Variants in PHF24 observed in about 807,000 individuals in gnomAD.
PHF24 encodes the protein PHD finger protein 24.
PHF24 carries 25 observed loss-of-function variants against 42.6 expected under a neutral mutation model. That is an observed-to-expected ratio of 0.59 (90% confidence interval 0.43 to 0.82). PHF24 has a LOEUF of 0.82. Ranked by LOEUF, PHF24 falls within the 40% of genes least tolerant of loss-of-function variation. The pLI is 0.00. For missense variants in PHF24, 470 were observed against 538.1 expected, an observed-to-expected ratio of 0.87 and a Z score of 1.25; for synonymous variants, 185 against 204.8, an observed-to-expected ratio of 0.90 and a Z score of 0.83.
chr9:34,685,026 C>G, the PHF24 span, among the ~76,000 whole-genome samples: 1 of 152,112 alleles, frequency 6.6e-6, no homozygotes, highest in Admixed American at 6.5e-5. Flanking sequence ...CTGCCCCTGG[C>G]CCCTTGGGAG....
chr9:34,907,778 A>T, the PHF24 span, among the ~76,000 whole-genome samples: 2 of 149,590 alleles, frequency 1.3e-5, no homozygotes, highest in East Asian at 2.0e-4. Flanking sequence ...TTATCCTTCC[A>T]GTTTGATTTC....
chr9:34,857,487 A>G, the PHF24 span, among the ~76,000 whole-genome samples: 3 of 152,160 alleles, frequency 2.0e-5, no homozygotes, highest in Admixed American at 6.5e-5. Flanking sequence ...ATTAGTGGGA[A>G]AAGCATGGTT....
At chr9:34,925,460 C>A in the PHF24 span, among the ~76,000 whole-genome samples, 1 of 152,136 alleles carries the variant, frequency 6.6e-6, no homozygotes, top group South Asian at 2.1e-4. Flanking sequence ...CTTTCCCCTT[C>A]TCTTCTACTT....
At chr9:34,691,752 C>T in the PHF24 span, among the ~76,000 whole-genome samples, 3 of 152,196 alleles carry the variant, frequency 2.0e-5, no homozygotes, top group Admixed American at 6.5e-5. Context: ...TGTGCCTGCC[C>T]ACTATGTGGG....
the PHF24 span, among the ~76,000 whole-genome samples, chr9:34,866,466 T>C: frequency 0.16 from 23,699 of 152,174 alleles, 2,543 homozygotes; most frequent in East Asian, 0.48. Context: ...TGAAAGATTG[T>C]CTGAGAACCT....
chr9:34,670,765 A>G, the PHF24 span, among the ~76,000 whole-genome samples: 1 of 152,124 alleles, frequency 6.6e-6, no homozygotes, highest in East Asian at 1.9e-4. Flanking sequence ...TCTCCTCCCT[A>G]GGTTCCTCAC....
At chr9:34,917,618 G>T in the PHF24 span, 1 of 776,120 alleles carries the variant, frequency 1.3e-6, no homozygotes, top group South Asian at 1.3e-5. Flanking sequence ...CCACCCCTTT[G>T]GTTGGCCTTC....
At chr9:34,850,001 G>A in the PHF24 span, among the ~76,000 whole-genome samples, 2 of 152,220 alleles carry the variant, frequency 1.3e-5, no homozygotes, top group Admixed American at 6.5e-5. Flanking sequence ...CCCTTTGTGG[G>A]TAACCCGACC....
At chr9:34,980,353 A>T (rs1392358794) in exon 8 of PHF24, 1 of 152,224 alleles carries the variant, frequency 6.6e-6, no homozygotes, top group East Asian at 1.9e-4. Flanking sequence ...GCCCATTTGG[A>T]TCACGCTTCT....
chr9:34,925,221 A>C, the PHF24 span, among the ~76,000 whole-genome samples: 1 of 152,132 alleles, frequency 6.6e-6, no homozygotes. Flanking sequence ...TTCTGCTGAG[A>C]AATCCGCTGT....
intron 1 of PHF24, among the ~76,000 whole-genome samples, chr9:34,970,924 A>G (rs538145524): frequency 4.6e-5 from 7 of 152,194 alleles, no homozygotes; most frequent in African/African-American, 1.4e-4. Flanking sequence ...CATTCCATAG[A>G]TGGGAAAACC....
At chr9:34,854,194 C>T in the PHF24 span, among the ~76,000 whole-genome samples, 23 of 14,944 alleles carry the variant, frequency 1.5e-3, 2 homozygotes, top group East Asian at 3.6e-3. Flanking sequence ...AGCAGTCTAT[C>T]TATTTTTTTT....
chr9:34,757,089 G>T, the PHF24 span, among the ~76,000 whole-genome samples: 1 of 151,994 alleles, frequency 6.6e-6, no homozygotes, highest in Non-Finnish European at 1.5e-5. Context: ...ATTTTTAGCA[G>T]AGACAGCGTT....
At chr9:34,857,971 G>GTTTTTTTTTTTTTTTTTTTTT in the PHF24 span, among the ~76,000 whole-genome samples, 1 of 109,806 alleles carries the variant, frequency 9.1e-6, no homozygotes, top group Non-Finnish European at 1.8e-5. Context: ...TTGTTTCTCT[G>GTTTTTTTTTTTTTTTTTTTTT]GTTTTTTTTT....
At chr9:34,879,083 C>T in the PHF24 span, among the ~76,000 whole-genome samples, 2 of 152,162 alleles carry the variant, frequency 1.3e-5, no homozygotes, top group Non-Finnish European at 1.5e-5. Context: ...GCTGGTGATA[C>T]CCAGGCAAAC....
chr9:34,709,452 A>T, the PHF24 span: 1 of 1,613,110 alleles, frequency 6.2e-7, no homozygotes, highest in Non-Finnish European at 8.5e-7. Context: ...GAGGGGTGTG[A>T]GGGGCTGACT....
chr9:34,849,402 T>C, the PHF24 span, among the ~76,000 whole-genome samples: 2 of 152,100 alleles, frequency 1.3e-5, no homozygotes, highest in East Asian at 3.9e-4. Flanking sequence ...AAGTCTGTTT[T>C]ATCAGAGACT....
the PHF24 span, chr9:34,723,672 C>CTTGGCCTTGCAAAGT: frequency 6.4e-7 from 1 of 1,551,626 alleles, no homozygotes; most frequent in East Asian, 2.4e-5. Context: ...CCATGCAAAA[C>CTTGGCCTTGCAAAGT]TTGGCCTTGC....
At chr9:34,975,641 C>T (rs4879846) in intron 3 of PHF24, among the ~76,000 whole-genome samples, 63,574 of 151,860 alleles carry the variant, frequency 0.42, 14,904 homozygotes, top group Non-Finnish European at 0.52. Flanking sequence ...CTTTTAAAAC[C>T]ATTCTGGGGT....
Sources: gnomAD v4.1 joint callset for allele counts (sites outside exome capture counted in the v4.1 genomes callset) on GRCh38, gnomAD v4.1.1 for gene constraint, MANE v1.5 for transcripts, NCBI Gene and HGNC (gene_info 2026-07-23, HGNC 2026-07-21) for gene names.